Variants in TNRC6A observed in about 807,000 individuals in gnomAD.
TNRC6A encodes the protein trinucleotide repeat-containing gene 6A protein.
A neutral mutation model predicts 221.2 loss-of-function variants in TNRC6A; 44 were observed. The ratio of observed to expected loss-of-function variants is 0.20; its 90% confidence interval spans 0.16 to 0.26. The LOEUF is 0.26. TNRC6A is among the 10% of genes least tolerant of loss of function. The pLI, the probability that TNRC6A is intolerant of heterozygous loss-of-function variation, is 1.00. For synonymous variants in TNRC6A, 847 were observed against 838.5 expected, an observed-to-expected ratio of 1.01 and a Z score of -0.18; for missense variants, 2,199 against 2,404.4, an observed-to-expected ratio of 0.91 and a Z score of 1.79.
chr16:24,778,150 G>C (rs1399784082), intron 5 of TNRC6A, among the ~76,000 whole-genome samples: 1 of 152,220 alleles, frequency 6.6e-6, no homozygotes, highest in African/African-American at 2.4e-5. Context: ...TCTAGAATCA[G>C]ATAGACTAGG....
In TNRC6A at chr16:24,823,820, A is replaced by G. The variant is rs745470864; in HGVS notation, c.*13A>G. The stretch of plus-strand genomic sequence containing the variant: ...AGAGTCCATGTAACAGTGTAGATGC[A>G]GACTCACCGACCGGGACCTCAGACG... On this transcript the variant is annotated 3_prime_UTR_variant, in exon 25 of 25. Transcript: ENST00000395799. This position sits in a 1 kb window ranked among gnomAD's most constrained non-coding sequence, Gnocchi z 4.3. The G allele has an allele frequency of 4.3e-6, 6 of 1,390,506 alleles. No individual in the cohort carries two copies. Among genetic ancestry groups the G allele is most frequent in the African/African-American group, 1.5e-5 (1 of 67,548 alleles). The allele number at this position is 1,390,506 out of a possible 1,614,324, so 86.1% of individuals were successfully genotyped here. A position where few individuals can be genotyped will look rare whatever the true frequency, so the allele number is the denominator to read the frequency against.
At chr16:24,820,403 A>T (rs982679614) in intron 22 of TNRC6A, 43 bp downstream of exon 22, 2 of 1,574,242 alleles carry the variant, frequency 1.3e-6, no homozygotes, top group Admixed American at 3.4e-5. Context: ...TTTATTTGCT[A>T]AACGCTAACC....
rs2058638564 is a variant in TNRC6A at position 24,815,530 on chromosome 16, G to C, written c.4831+225G>C. 4 of 557,490 alleles carry C rather than the reference G, an allele frequency of 7.2e-6. No homozygotes were observed. In the South Asian group the frequency reaches 7.9e-5, roughly 11 times the overall value. The allele number at this position is 557,490 out of a possible 1,614,324, so 34.5% of individuals were successfully genotyped here. On this transcript the variant is annotated intron_variant, in intron 19 of 24. Transcript: ENST00000395799. ...TTATGCTCAAGCAGCAGAGGTAGAAGTGAGCCCCATTGACCAGCATGAAGA... is the reference window on the plus strand; with the variant it reads ...TTATGCTCAAGCAGCAGAGGTAGAACTGAGCCCCATTGACCAGCATGAAGA...
chr16:24,636,519 T>A (rs1901643229), intron 1 of TNRC6A, among the ~76,000 whole-genome samples: 1 of 152,138 alleles, frequency 6.6e-6, no homozygotes, highest in Non-Finnish European at 1.5e-5. Context: ...TACAGGCACA[T>A]GCCACTGCGC....
chr16:24,823,629 G>A lies in TNRC6A; in HGVS notation c.5711G>A (p.Gly1904Glu), dbSNP rs138756937. The A allele has an allele frequency of 2.4e-4, 394 of 1,613,954 alleles. 2 individuals are homozygous for A. The African/African-American group carries it at 4.7e-3, about 19-fold the overall frequency. Residue 1904 changes from glycine to glutamate, a missense_variant, in exon 25 of 25, where the codon GGG becomes GAG. Coordinates refer to ENST00000395799, the MANE Select transcript of TNRC6A (RefSeq NM_014494.4). The surrounding 1 kb of genome is among the most constrained non-coding windows in gnomAD (Gnocchi z 4.3). ...GATCTCAATCACTGGAATGGTGCTG[G>A]GCTGTCGGGAACTAACTGTGGAGAC... ...RTDLNHWNGA[G>E]LSGTNCGDLH...
intron 1 of TNRC6A, among the ~76,000 whole-genome samples, chr16:24,622,700 A>G (rs1376469964): frequency 1.3e-5 from 2 of 152,194 alleles, no homozygotes; most frequent in Non-Finnish European, 2.9e-5. Flanking sequence ...CAAATTTAGG[A>G]CAAACAGAAC....
intron 9 of TNRC6A, among the ~76,000 whole-genome samples, chr16:24,797,181 G>C (rs1159538614): frequency 6.6e-6 from 1 of 152,010 alleles, no homozygotes; most frequent in South Asian, 2.1e-4. Flanking sequence ...ACAGTTCTCC[G>C]TTACTCAGAG....
At chr16:24,704,691 A>G (rs947836924) in intron 2 of TNRC6A, among the ~76,000 whole-genome samples, 13 of 150,248 alleles carry the variant, frequency 8.7e-5, no homozygotes, top group East Asian at 3.9e-4. Flanking sequence ...AAAAAAAAAA[A>G]AAAGAAAGAA....
rs149360617 is a variant in TNRC6A, at chr16:24,789,501, A to G, written c.859A>G (p.Thr287Ala). 1,247 of 1,614,210 alleles carry G rather than the reference A, an allele frequency of 7.7e-4. No individual in the cohort carries two copies. The highest frequency in any genetic ancestry group is 9.5e-4 in the Non-Finnish European group (1,122 of 1,180,034). Residue 287 changes from threonine to alanine, a missense_variant, in exon 6 of 25, where the codon ACT (threonine) becomes GCT (alanine). Around this residue, in one of 8 missense-constraint regions of TNRC6A, gnomAD observed 1,405 missense variants for 1,400.2 expected, o/e 1.00. Coordinates refer to ENST00000395799, the MANE Select transcript of TNRC6A (RefSeq NM_014494.4). ...TGAAAAAGATGGCCTTCGGAATAGC[A>G]CTGGACTTGGTTCCCAAAACAAGTT... is the stretch of plus-strand genomic sequence containing the variant. ...GGEKDGLRNS[T>A]GLGSQNKFVV...
chr16:24,735,326 G>T (rs1390786217), intron 2 of TNRC6A, among the ~76,000 whole-genome samples: 1 of 152,082 alleles, frequency 6.6e-6, no homozygotes, highest in Non-Finnish European at 1.5e-5. Flanking sequence ...AAACCCCAAG[G>T]CATTAGGTCT....
intron 2 of TNRC6A, among the ~76,000 whole-genome samples, chr16:24,673,454 G>A (rs529289895): frequency 1.3e-5 from 2 of 152,314 alleles, no homozygotes; most frequent in South Asian, 4.1e-4. Context: ...CTTTGCAAGG[G>A]GCCATGTCCC....
chr16:24,789,730 C>T lies in TNRC6A; in HGVS notation c.1088C>T (p.Ser363Leu). Residue 363 changes from serine (S) to leucine (L), a missense_variant, in exon 6 of 25, where the codon TCA becomes TTA. Physicochemically the swap from Ser to Leu is moderately radical, Grantham distance 145. Transcript: ENST00000395799. ...GGGTTAAATCCAAGCACTTTGAATT[C>T]AGCTAGCAACCATGGTGCCTGGCCA... ...NGGLNPSTLN[S>L]ASNHGAWPVL... 1 of 1,614,210 alleles carries T rather than the reference C, an allele frequency of 6.2e-7. No homozygotes were observed. The highest frequency in any genetic ancestry group is 1.1e-5 in the South Asian group (1 of 91,084).
chr16:24,683,923 T>G (rs552326360), intron 2 of TNRC6A, among the ~76,000 whole-genome samples: 1 of 152,268 alleles, frequency 6.6e-6, no homozygotes, highest in Admixed American at 6.5e-5. Context: ...TCTCCCTAAT[T>G]AGACTCTGCA....
At chr16:24,794,823 C>T (rs1196532502) in intron 8 of TNRC6A, 104 bp downstream of exon 8, 1 of 1,094,782 alleles carries the variant, frequency 9.1e-7, no homozygotes, top group African/African-American at 1.6e-5. Context: ...TCAGTACAGT[C>T]CAGGCAGCCC....
Position 24,823,783 on chromosome 16 carries a change from G to C in TNRC6A, c.5865G>C (p.Leu1955=). The C allele has an allele frequency of 6.8e-7, 1 of 1,478,338 alleles. No homozygotes were observed. The highest frequency in any genetic ancestry group is 9.0e-7 in the Non-Finnish European group (1 of 1,114,060). 91.6% of individuals were successfully genotyped at this position (1,478,338 alleles called of 1,614,324 possible). Residue 1955 remains leucine, a synonymous_variant, in exon 25 of 25, where the codon CTG becomes CTC. Transcript: ENST00000395799. This position sits in a 1 kb window ranked among gnomAD's most constrained non-coding sequence, Gnocchi z 4.3. The part of the protein sequence containing the change: ...PINAFLSVDH[L]GGGGESM ...ACGCTTTTCTTTCTGTTGACCACCT[G>C]GGTGGGGGTGGAGAGTCCATGTAAC...
chr16:24,660,977 G>A (rs2055022115), intron 2 of TNRC6A, among the ~76,000 whole-genome samples: 2 of 152,032 alleles, frequency 1.3e-5, no homozygotes, highest in Admixed American at 6.6e-5. Context: ...TCCTGACCTC[G>A]TGATCCACCC....
intron 2 of TNRC6A, among the ~76,000 whole-genome samples, chr16:24,743,885 G>A (rs1208276691): frequency 6.6e-6 from 1 of 152,116 alleles, no homozygotes; most frequent in Non-Finnish European, 1.5e-5. Context: ...AGTCTTAATA[G>A]CAGATCTACA....
At chr16:24,652,876 A>G (rs1413437702) in intron 2 of TNRC6A, among the ~76,000 whole-genome samples, 1 of 152,204 alleles carries the variant, frequency 6.6e-6, no homozygotes, top group South Asian at 2.1e-4. Flanking sequence ...CCCAAACTCA[A>G]AATTACCCTT....
rs891175941 is a variant in TNRC6A, at chr16:24,777,013, A to G, written c.244A>G (p.Asn82Asp). 1.2e-6 allele frequency: 2 copies of G among 1,614,012 alleles called. No homozygotes were observed. The highest frequency in any genetic ancestry group is 1.7e-6 in the Non-Finnish European group (2 of 1,180,042). ...NNGTSTATST[N>D]NNAKRATANN... The stretch of plus-strand genomic sequence containing the variant: ...CGGCACTTCCACAGCAACCAGCACT[A>G]ATAATAATGCCAAGCGAGCTACAGC... The change falls in exon 5 of 25, where the codon AAT becomes GAT. Residue 82 changes from asparagine (N) to aspartate (D), a missense_variant. Asn to Asp is a conservative substitution (Grantham distance 23, BLOSUM62 1). This residue lies in a region of TNRC6A where 1,405 missense variants were observed against 1,400.2 expected (regional missense o/e 1.00). Transcript: ENST00000395799.
Sources: allele counts gnomAD v4.1 joint callset (sites outside exome capture counted in the v4.1 genomes callset), GRCh38; gene constraint gnomAD v4.1.1; regional missense constraint gnomAD v4.1.1; non-coding constraint Gnocchi (gnomAD v3.1); transcripts MANE v1.5; gene names NCBI Gene and HGNC (gene_info 2026-07-23, HGNC 2026-07-21).